LRMDA: variants seen among roughly 807,000 people sequenced by gnomAD.
LRMDA encodes the protein leucine-rich melanocyte differentiation-associated protein.
In LRMDA, 18 loss-of-function variants were observed where a neutral mutation model predicts 29.8. The ratio of observed to expected loss-of-function variants is 0.60; its 90% confidence interval spans 0.42 to 0.90. LRMDA has a LOEUF of 0.90. LRMDA is among the 40% of genes least tolerant of loss of function. LRMDA has a pLI of 0.00. For synonymous variants in LRMDA, 125 were observed against 109.4 expected, an observed-to-expected ratio of 1.14 and a Z score of -0.89; for missense variants, 273 against 273.9, an observed-to-expected ratio of 1.00 and a Z score of 0.02.
intron 2 of LRMDA, among the ~76,000 whole-genome samples, chr10:75,959,119 A>G (rs1846717188): frequency 6.6e-6 from 1 of 152,198 alleles, no homozygotes; most frequent in African/African-American, 2.4e-5. Context: ...CCTTAAGAGT[A>G]AGTGGCAGAT....
At chr10:76,523,418 C>T (rs929870788) in intron 6 of LRMDA, among the ~76,000 whole-genome samples, 11 of 152,210 alleles carry the variant, frequency 7.2e-5, no homozygotes, top group South Asian at 2.1e-4. Flanking sequence ...GGAAACACGC[C>T]GCTATTTAGC....
chr10:75,835,832 G>A (rs1844424867), intron 2 of LRMDA, among the ~76,000 whole-genome samples: 1 of 152,190 alleles, frequency 6.6e-6, no homozygotes, highest in African/African-American at 2.4e-5. Flanking sequence ...ATAAGAAATG[G>A]TGAGTTTTAG....
At chr10:75,934,101 T>A (rs1325082160) in intron 2 of LRMDA, among the ~76,000 whole-genome samples, 1 of 152,186 alleles carries the variant, frequency 6.6e-6, no homozygotes, top group Admixed American at 6.5e-5. Context: ...CATTTCTGAG[T>A]CTGCAAAATG....
intron 2 of LRMDA, among the ~76,000 whole-genome samples, chr10:75,923,789 C>T (rs1362175049): frequency 4.6e-5 from 7 of 152,096 alleles, no homozygotes; most frequent in Non-Finnish European, 1.0e-4. Flanking sequence ...AGAGGAATGA[C>T]CTTCCATTTT....
chr10:76,333,521 G>T (rs375967878), intron 6 of LRMDA, among the ~76,000 whole-genome samples: 3 of 152,160 alleles, frequency 2.0e-5, no homozygotes, highest in African/African-American at 7.2e-5. Flanking sequence ...CTGGGGCCTG[G>T]ATAGATACTG....
At chr10:75,727,451 A>G (rs894675026) in intron 2 of LRMDA, among the ~76,000 whole-genome samples, 2 of 152,328 alleles carry the variant, frequency 1.3e-5, no homozygotes, top group East Asian at 1.9e-4. Flanking sequence ...GAAATTCACA[A>G]GACTGATATT....
intron 5 of LRMDA, among the ~76,000 whole-genome samples, chr10:76,119,725 C>T (rs1396045818): frequency 6.6e-6 from 1 of 152,194 alleles, no homozygotes; most frequent in African/African-American, 2.4e-5. Flanking sequence ...AAGCAGCACT[C>T]TGGAACTTTG....
At chr10:75,741,270 A>C (rs1196198164) in intron 2 of LRMDA, among the ~76,000 whole-genome samples, 2 of 152,188 alleles carry the variant, frequency 1.3e-5, no homozygotes, top group Non-Finnish European at 2.9e-5. Context: ...TTTTGGCTGT[A>C]GGACTGAGGT....
At position 75,636,300 on chromosome 10, in the gene LRMDA, G is replaced by A. The variant is rs1297195347; in HGVS notation, c.131+197806G>A. 2.6e-5 allele frequency among the ~76,000 whole-genome samples: 4 copies of A among 152,124 alleles called. No individual in the cohort carries two copies. The East Asian group carries it at 5.8e-4, about 22-fold the overall frequency. On this transcript the variant is annotated intron_variant, in intron 2 of 6. Transcript: ENST00000611255. ...AATTTGACCTTGAACAAATTACCTA[G>A]CCACTTTATTTTCTTTATTAAATTT... is the stretch of plus-strand genomic sequence containing the variant.
At chr10:76,416,806 C>A (rs144289150) in intron 6 of LRMDA, among the ~76,000 whole-genome samples, 1 of 152,304 alleles carries the variant, frequency 6.6e-6, no homozygotes, top group Non-Finnish European at 1.5e-5. Flanking sequence ...CACATACACC[C>A]TGTTGGTTTG....
intron 2 of LRMDA, among the ~76,000 whole-genome samples, chr10:75,806,663 A>C (rs1374296502): frequency 6.6e-6 from 1 of 150,448 alleles, no homozygotes; most frequent in Non-Finnish European, 1.5e-5. Flanking sequence ...CATTCTTGAC[A>C]AGTGGTTCAA....
chr10:75,500,632 G>A (rs1262651485), intron 2 of LRMDA, among the ~76,000 whole-genome samples: 1 of 152,188 alleles, frequency 6.6e-6, no homozygotes, highest in African/African-American at 2.4e-5. Flanking sequence ...GGGTTTGATT[G>A]ACTTATAGTT....
intron 2 of LRMDA, among the ~76,000 whole-genome samples, chr10:75,997,973 C>CCTAAAA: frequency 6.6e-6 from 1 of 152,304 alleles, no homozygotes; most frequent in East Asian, 1.9e-4. Context: ...TTCTTTTTAA[C>CCTAAAA]CTAAAACATT....
chr10:76,047,613 G>A (rs2132041760), intron 4 of LRMDA, among the ~76,000 whole-genome samples: 1 of 152,306 alleles, frequency 6.6e-6, no homozygotes, highest in South Asian at 2.1e-4. Flanking sequence ...TAATGCAGAA[G>A]TAGTCATACA....
chr10:76,220,349 T>TCAA (rs1424561707), intron 5 of LRMDA, among the ~76,000 whole-genome samples: 4 of 151,396 alleles, frequency 2.6e-5, no homozygotes, highest in South Asian at 4.2e-4. Context: ...TTTGAAAGGA[T>TCAA]CAACAAAATT....
At chr10:76,198,424 C>T (rs554450304) in intron 5 of LRMDA, among the ~76,000 whole-genome samples, 4 of 152,148 alleles carry the variant, frequency 2.6e-5, no homozygotes, top group Non-Finnish European at 5.9e-5. Context: ...TTTTCCATTC[C>T]CTTGGAGCAG....
intron 2 of LRMDA, among the ~76,000 whole-genome samples, chr10:75,543,456 G>GA (rs983020621): frequency 3.9e-4 from 58 of 150,550 alleles, no homozygotes; most frequent in African/African-American, 1.3e-3. Flanking sequence ...TTTACTTCAA[G>GA]AAAAAAAAAT....
At chr10:76,270,932 G>A (rs1840060926) in intron 5 of LRMDA, 1 of 152,198 alleles carries the variant, frequency 6.6e-6, no homozygotes, top group Admixed American at 6.5e-5. Flanking sequence ...TGTTTAATCA[G>A]TGGTAAGGCC....
At chr10:76,315,999 G>A (rs1051167421) in intron 5 of LRMDA, among the ~76,000 whole-genome samples, 1 of 152,116 alleles carries the variant, frequency 6.6e-6, no homozygotes, top group Admixed American at 6.5e-5. Context: ...TCCCTGCCTT[G>A]CTCACCTTCC....
Sources: allele counts gnomAD v4.1 joint callset (sites outside exome capture counted in the v4.1 genomes callset), GRCh38; gene constraint gnomAD v4.1.1; transcripts MANE v1.5; gene names NCBI Gene and HGNC (gene_info 2026-07-23, HGNC 2026-07-21).